Variants in OPA1 observed in about 807,000 individuals in gnomAD.
The protein encoded by OPA1 is OPA1 mitochondrial dynamin like GTPase.
OPA1 carries 59 observed loss-of-function variants against 152.9 expected under a neutral mutation model. The observed-to-expected ratio is 0.39, with a 90% CI of 0.31 to 0.48. The LOEUF is 0.48. OPA1 is among the 20% of genes least tolerant of loss of function. The pLI, the probability that OPA1 is intolerant of heterozygous loss-of-function variation, is 0.96. For synonymous variants in OPA1, 400 were observed against 389.9 expected, an observed-to-expected ratio of 1.03 and a Z score of -0.31; for missense variants, 1,008 against 1,216.8, an observed-to-expected ratio of 0.83 and a Z score of 2.55.
At chr3:193,601,185 C>T (rs368398758) in intron 1 of OPA1, among the ~76,000 whole-genome samples, 2 of 152,038 alleles carry the variant, frequency 1.3e-5, no homozygotes, top group Admixed American at 1.3e-4. Flanking sequence ...TTTTAAATTC[C>T]GTACAAATGG....
In OPA1 at chr3:193,647,956, T is replaced by C. The variant is rs539497018; in HGVS notation, c.1871-114T>C. 619 of 755,342 alleles carry C rather than the reference T, an allele frequency of 8.2e-4. 1 individual carries two copies. Among genetic ancestry groups the C allele is most frequent in the Non-Finnish European group, 1.4e-3 (581 of 417,728 alleles). The allele number at this position is 755,342 out of a possible 1,614,324, so 46.8% of individuals were successfully genotyped here. A position where few individuals can be genotyped will look rare whatever the true frequency, so the allele number is the denominator to read the frequency against. On this transcript the variant is annotated intron_variant, in intron 19 of 30. Transcript: ENST00000361510. ...GAGATCCCAGAGTACTAAGGGGTCA[T>C]AGGCGCACTCTCAGAAATTCAGTTA...
chr3:193,646,183 GAT>G (rs1257625433), intron 18 of OPA1, among the ~76,000 whole-genome samples: 77 of 152,286 alleles, frequency 5.1e-4, no homozygotes, highest in Non-Finnish European at 7.3e-5. Context: ...AGTATCCCTA[GAT>G]ATATATTGAC....
At chr3:193,611,150 A>C (rs186763081) in intron 1 of OPA1, among the ~76,000 whole-genome samples, 5 of 152,268 alleles carry the variant, frequency 3.3e-5, no homozygotes, top group Admixed American at 2.0e-4. Context: ...TGTAGACTGG[A>C]GCTGTTCCTA....
chr3:193,675,965 A>G (rs1718904511), intron 29 of OPA1, among the ~76,000 whole-genome samples: 1 of 152,136 alleles, frequency 6.6e-6, no homozygotes, highest in South Asian at 2.1e-4. Flanking sequence ...GTTACTGCTC[A>G]TTTCTCTTGT....
intron 1 of OPA1, among the ~76,000 whole-genome samples, chr3:193,596,505 G>T (rs1243608973): frequency 2.0e-5 from 3 of 151,258 alleles, no homozygotes; most frequent in Admixed American, 2.0e-4. Context: ...CTCCCAAAAT[G>T]CCAGGATTAC....
chr3:193,668,404 T>C (rs1717143025), intron 29 of OPA1: 2 of 1,551,080 alleles, frequency 1.3e-6, no homozygotes, highest in Admixed American at 2.0e-5. Context: ...TTTTACCTTG[T>C]CTGGGCTCTG....
chr3:193,604,508 A>G (rs1726924881), intron 1 of OPA1, among the ~76,000 whole-genome samples: 1 of 152,208 alleles, frequency 6.6e-6, no homozygotes, highest in South Asian at 2.1e-4. Context: ...CTCTCAGGTA[A>G]GAGGGAAATC....
At chr3:193,611,282 T>A (rs1728193244) in intron 1 of OPA1, among the ~76,000 whole-genome samples, 1 of 152,200 alleles carries the variant, frequency 6.6e-6, no homozygotes, top group Non-Finnish European at 1.5e-5. Flanking sequence ...TTTGAGGTTT[T>A]TTTTGCTCTA....
Position 193,626,084 on chromosome 3 carries a change from C to G in OPA1, c.679-8C>G. 1 of 1,608,378 alleles carries G rather than the reference C, an allele frequency of 6.2e-7. No homozygotes were observed. Among genetic ancestry groups the G allele is most frequent in the Admixed American group, 1.7e-5 (1 of 59,992 alleles). On this transcript the variant is annotated splice_region_variant and splice_polypyrimidine_tract_variant and intron_variant, in intron 6 of 30. Coordinates refer to ENST00000361510, the MANE Select transcript of OPA1 (RefSeq NM_130837.3). Reference sequence around the variant, plus strand: ...TTTCCTCTTCTCCTCATTGTGAACTCGTGGCAGGGTCTGCTTGGTGAGCTC... The same window carrying G: ...TTTCCTCTTCTCCTCATTGTGAACTGGTGGCAGGGTCTGCTTGGTGAGCTC...
intron 22 of OPA1, among the ~76,000 whole-genome samples, chr3:193,656,582 A>G (rs1049240976): frequency 3.9e-5 from 6 of 152,200 alleles, no homozygotes; most frequent in Non-Finnish European, 2.9e-5. Flanking sequence ...TGAATCATTA[A>G]GACATTTAAA....
chr3:193,631,550 A>T, intron 7 of OPA1, 62 bp from the exon 8 acceptor site: 1 of 1,231,882 alleles, frequency 8.1e-7, no homozygotes, highest in Non-Finnish European at 1.2e-6. Context: ...AAAAAAATTT[A>T]ACTTGCTGTA....
At position 193,664,954 on chromosome 3, in the gene OPA1, A is replaced by G. The variant is rs1716177800; in HGVS notation, c.2736A>G (p.Arg912=). The part of the protein sequence containing the change: ...KTALNHCNLC[R]RGFYYYQRHF... The stretch of plus-strand genomic sequence containing the variant: ...CTCTAAACCATTGTAACCTTTGTCG[A>G]AGAGGTTTTTATTACTACCAAAGGC... Residue 912 remains arginine (R), a synonymous_variant, in exon 27 of 31, where the codon CGA becomes CGG. Transcript: ENST00000361510. 6.2e-7 allele frequency: 1 copy of G among 1,608,786 alleles called. No individual in the cohort carries two copies. The highest frequency in any genetic ancestry group is 1.3e-5 in the African/African-American group (1 of 74,778).
intron 29 of OPA1, among the ~76,000 whole-genome samples, chr3:193,674,978 C>A (rs897739072): frequency 1.3e-5 from 2 of 152,154 alleles, no homozygotes; most frequent in Admixed American, 6.5e-5. Context: ...ACCCGCCTGC[C>A]CCTGAGCTGG....
At chr3:193,685,572 TG>T in intron 29 of OPA1, among the ~76,000 whole-genome samples, 1 of 152,292 alleles carries the variant, frequency 6.6e-6, no homozygotes, top group East Asian at 1.9e-4. Flanking sequence ...TGATTTTAAA[TG>T]ACAGACTTTT....
chr3:193,644,604 C>G (rs1017195663), intron 16 of OPA1, among the ~76,000 whole-genome samples: 2 of 152,164 alleles, frequency 1.3e-5, no homozygotes, highest in African/African-American at 2.4e-5. Context: ...ACAGTAGTCT[C>G]AGGCCTGCTG....
chr3:193,613,358 TAA>T (rs5855490), intron 1 of OPA1, among the ~76,000 whole-genome samples: 4 of 151,314 alleles, frequency 2.6e-5, no homozygotes, highest in African/African-American at 7.3e-5. Flanking sequence ...TAACAATACT[TAA>T]AAAAAAAATT....
chr3:193,629,702 A>C (rs926104509), intron 7 of OPA1, among the ~76,000 whole-genome samples: 1 of 152,156 alleles, frequency 6.6e-6, no homozygotes, highest in African/African-American at 2.4e-5. Flanking sequence ...ATATTCTACT[A>C]ACCTTATATC....
chr3:193,636,138 G>A (rs575050911), intron 9 of OPA1, among the ~76,000 whole-genome samples: 1 of 152,152 alleles, frequency 6.6e-6, no homozygotes, highest in Admixed American at 6.5e-5. Flanking sequence ...GAGTTTATAT[G>A]TAGCAAAACT....
rs1438193216 is a variant in OPA1, at chr3:193,643,525, A to G, written c.1378-3A>G. ...AATGACATTTAAAACCTTTTTCTTTAAGACTGTGACATCAGGCATGGCTCC... is the reference window on the plus strand; with the variant it reads ...AATGACATTTAAAACCTTTTTCTTTGAGACTGTGACATCAGGCATGGCTCC... On this transcript the variant is annotated splice_polypyrimidine_tract_variant and splice_region_variant and intron_variant, in intron 14 of 30. Coordinates refer to ENST00000361510, the MANE Select transcript of OPA1 (RefSeq NM_130837.3). The G allele has an allele frequency of 6.2e-7, 1 of 1,613,476 alleles. No homozygotes were observed. The highest frequency in any genetic ancestry group is 8.5e-7 in the Non-Finnish European group (1 of 1,179,534).
Sources: allele counts gnomAD v4.1 joint callset (sites outside exome capture counted in the v4.1 genomes callset), GRCh38; gene constraint gnomAD v4.1.1; transcripts MANE v1.5; gene names NCBI Gene and HGNC (gene_info 2026-07-23, HGNC 2026-07-21).